UGT1A7: variants seen among roughly 807,000 people sequenced by gnomAD.
UGT1A7 encodes the protein UDP glucuronosyltransferase family 1 member A7, also known as UDP-glucuronosyltransferase 1A7.
A neutral mutation model predicts 45.6 loss-of-function variants in UGT1A7; 33 were observed. The observed-to-expected ratio is 0.72, with a 90% CI of 0.55 to 0.97. The LOEUF is 0.97. Among genes scored for constraint, UGT1A7 ranks in the 50% least tolerant of loss-of-function variants. The probability of loss-of-function intolerance (pLI) is 0.00; values close to 1 mark genes in which losing one functional copy is unlikely to be tolerated. For synonymous variants in UGT1A7, 274 were observed against 250.6 expected, an observed-to-expected ratio of 1.09 and a Z score of -0.88; for missense variants, 684 against 666.2, an observed-to-expected ratio of 1.03 and a Z score of -0.29.
rs772286131 is a variant in UGT1A7 at position 233,713,430 on chromosome 2, G to C, written c.855+30638G>C. 2.5e-6 allele frequency: 4 copies of C among 1,614,138 alleles called. No homozygotes were observed. The South Asian group carries it at 4.4e-5, about 18-fold the overall frequency. ...CAGGCACCTGCATGCTACTTCCTTT[G>C]ATGTGGTTCTAACAGACCCCTTTCA... On this transcript the variant is annotated intron_variant, in intron 1 of 4. Transcript: ENST00000373426.
chr2:233,717,709 C>T (rs1575518091), intron 1 of UGT1A7: 13 of 452,360 alleles, frequency 2.9e-5, no homozygotes, highest in East Asian at 1.4e-4. Context: ...GCAGGACGAG[C>T]CTCATGGGCA....
intron 1 of UGT1A7, chr2:233,755,226 G>C: frequency 1.0e-6 from 1 of 975,544 alleles, no homozygotes; most frequent in South Asian, 1.3e-5. Flanking sequence ...ACCCTCGGAC[G>C]AGGCCTACCG....
chr2:233,746,453 C>T (rs1693396271), intron 1 of UGT1A7, among the ~76,000 whole-genome samples: 1 of 151,712 alleles, frequency 6.6e-6, no homozygotes, highest in South Asian at 2.1e-4. Flanking sequence ...AAGAAAGTAC[C>T]TTCAAAAGGG....
intron 1 of UGT1A7, chr2:233,693,804 T>A: frequency 1.2e-6 from 2 of 1,614,202 alleles, no homozygotes; most frequent in Non-Finnish European, 1.7e-6. Context: ...CCTAGGCCGG[T>A]CATGCCCAAC....
At chr2:233,702,414 A>AG (rs751016813) in intron 1 of UGT1A7, among the ~76,000 whole-genome samples, 11 of 152,192 alleles carry the variant, frequency 7.2e-5, no homozygotes, top group Non-Finnish European at 1.2e-4. Flanking sequence ...AAATAGAGAT[A>AG]GCGTTACTTC....
At chr2:233,733,813 G>T (rs2078440329) in intron 1 of UGT1A7, among the ~76,000 whole-genome samples, 1 of 152,202 alleles carries the variant, frequency 6.6e-6, no homozygotes, top group East Asian at 1.9e-4. Context: ...GATGATGCTG[G>T]CCTCATAAAA....
At chr2:233,724,269 CGGCTGGCCGGGCGGGG>C (rs2077201800) in intron 1 of UGT1A7, among the ~76,000 whole-genome samples, 1 of 124,806 alleles carries the variant, frequency 8.0e-6, no homozygotes, top group Non-Finnish European at 1.7e-5. Flanking sequence ...CCGGACGGGG[CGGCTGGCCGGGCGGGG>C]GGCTGACCCC....
chr2:233,747,249 G>A (rs1310551227), intron 1 of UGT1A7: 19 of 1,600,704 alleles, frequency 1.2e-5, no homozygotes, highest in Non-Finnish European at 1.6e-5. Flanking sequence ...TGCTGTGGCT[G>A]GCCACAGGAG....
Position 233,693,926 on chromosome 2 carries a change from C to T in UGT1A7, c.855+11134C>T, listed in dbSNP as rs2075188993. On this transcript the variant is annotated intron_variant, in intron 1 of 4. Transcript: ENST00000373426. ...CTTCCAGGCTCTGTCCTCCCTCACTCATTTGGCTCCTTGAGCCGACTGTCC... is the reference window on the plus strand; with the variant it reads ...CTTCCAGGCTCTGTCCTCCCTCACTTATTTGGCTCCTTGAGCCGACTGTCC... 3 of 1,609,026 alleles carry T rather than the reference C, an allele frequency of 1.9e-6. No individual in the cohort carries two copies. The Admixed American group carries it at 5.0e-5, about 27-fold the overall frequency.
At chr2:233,728,979 T>C (rs55781538) in intron 1 of UGT1A7, 30,148 of 1,500,164 alleles carry the variant, frequency 0.02, 353 homozygotes, top group Non-Finnish European at 0.023. Context: ...AGATTAATGG[T>C]TAATAATTAA....
Position 233,747,094 on chromosome 2 carries a change from A to G in UGT1A7, c.856-19940A>G, listed in dbSNP as rs1052530336. 1.0e-5 allele frequency: 13 copies of G among 1,281,570 alleles called. No homozygotes were observed. The African/African-American group carries it at 1.2e-4, about 12-fold the overall frequency. The allele number at this position is 1,281,570 out of a possible 1,614,324, so 79.4% of individuals were successfully genotyped here. Reference sequence around the variant, plus strand: ...TAATTAACTAGGAGGAGAGCACTCTATCTTCCAATTACATGATGATTTGCT... The same window carrying G: ...TAATTAACTAGGAGGAGAGCACTCTGTCTTCCAATTACATGATGATTTGCT... On this transcript the variant is annotated intron_variant, in intron 1 of 4. Coordinates refer to ENST00000373426, the MANE Select transcript of UGT1A7 (RefSeq NM_019077.3).
chr2:233,755,054 C>T (rs748506326), intron 1 of UGT1A7: 2 of 1,332,588 alleles, frequency 1.5e-6, no homozygotes, highest in Admixed American at 3.8e-5. Context: ...CGCCCTCCGC[C>T]CTCGCCTCGC....
chr2:233,722,935 G>A (rs1228293492), intron 1 of UGT1A7, among the ~76,000 whole-genome samples: 1 of 129,296 alleles, frequency 7.7e-6, no homozygotes, highest in Non-Finnish European at 1.6e-5. Flanking sequence ...TTGTCTCCAT[G>A]CTGAGTGGGC....
rs1302197781 is a variant in UGT1A7, at chr2:233,744,044, A to G, written c.856-22990A>G. ...GAGACGCCCCTTATGACGCAGCCAC[A>G]TCTCATTGGTCGAGGCCTATGAGCG... is the stretch of plus-strand genomic sequence containing the variant. On this transcript the variant is annotated intron_variant, in intron 1 of 4. Coordinates refer to ENST00000373426, the MANE Select transcript of UGT1A7 (RefSeq NM_019077.3). 3 of 731,946 alleles carry G rather than the reference A, an allele frequency of 4.1e-6. No homozygotes were observed. In the Admixed American group the frequency reaches 1.1e-4, roughly 26 times the overall value. The allele number at this position is 731,946 out of a possible 1,614,324, so 45.3% of individuals were successfully genotyped here. A position where few individuals can be genotyped will look rare whatever the true frequency, so the allele number is the denominator to read the frequency against.
intron 1 of UGT1A7, among the ~76,000 whole-genome samples, chr2:233,765,617 G>A (rs988431612): frequency 6.6e-6 from 1 of 151,904 alleles, no homozygotes; most frequent in Non-Finnish European, 1.5e-5. Flanking sequence ...GGGGTGAGGG[G>A]TGAGGGGAGG....
chr2:233,726,165 C>CA (rs1281871437), intron 1 of UGT1A7, among the ~76,000 whole-genome samples: 1 of 151,994 alleles, frequency 6.6e-6, no homozygotes, highest in Non-Finnish European at 1.5e-5. Context: ...GGCCCCATTT[C>CA]AAAAAAATAA....
chr2:233,713,567 C>T (rs1231652913), intron 1 of UGT1A7: 11 of 1,613,854 alleles, frequency 6.8e-6, no homozygotes, highest in African/African-American at 1.3e-5. Context: ...ACCCTTCCTC[C>T]TATATTCCTA....
At chr2:233,688,319 A>G in intron 1 of UGT1A7, among the ~76,000 whole-genome samples, 1 of 152,240 alleles carries the variant, frequency 6.6e-6, no homozygotes, top group Admixed American at 6.5e-5. Context: ...CAGTTGGTGG[A>G]CATTTGGGTT....
At chr2:233,711,354 C>A (rs1387342793) in intron 1 of UGT1A7, among the ~76,000 whole-genome samples, 3 of 152,220 alleles carry the variant, frequency 2.0e-5, no homozygotes, top group Non-Finnish European at 4.4e-5. Flanking sequence ...AACAGGGGAG[C>A]CCCCTGAATG....
Sources: allele counts gnomAD v4.1 joint callset (sites outside exome capture counted in the v4.1 genomes callset), GRCh38; gene constraint gnomAD v4.1.1; transcripts MANE v1.5; gene names NCBI Gene and HGNC (gene_info 2026-07-23, HGNC 2026-07-21).